Variants in STRN4 observed in about 807,000 individuals in gnomAD.
The protein encoded by STRN4 is striatin-4.
Under a neutral mutation model 77.9 loss-of-function variants are expected in STRN4, and 27 were observed. The ratio of observed to expected loss-of-function variants is 0.35; its 90% CI spans 0.26 to 0.48. STRN4 has a LOEUF of 0.48. STRN4 is among the 20% of genes least tolerant of loss of function. STRN4 has a pLI of 0.99. For missense variants in STRN4, 798 were observed against 1,049.7 expected, an observed-to-expected ratio of 0.76 and a Z score of 3.31; for synonymous variants, 466 against 443.1, an observed-to-expected ratio of 1.05 and a Z score of -0.65.
chr19:46,729,238 C>G (rs553990606), intron 6 of STRN4, among the ~76,000 whole-genome samples: 1 of 152,318 alleles, frequency 6.6e-6, no homozygotes, highest in African/African-American at 2.4e-5. Flanking sequence ...GACTACCCCT[C>G]GCAGACACGA....
Position 46,733,569 on chromosome 19 carries a change from T to G in STRN4, c.540-333A>C. The stretch of plus-strand genomic sequence containing the variant: ...GGCAGAAGATCAACAGGGCAGAGCC[T>G]TAAGGGAAGCTGGCCACGGTAAACA... On this transcript the variant is annotated intron_variant, in intron 4 of 17. Transcript: ENST00000263280. The surrounding 1 kb of genome is among the most constrained non-coding windows in gnomAD (Gnocchi z 4.3). The G allele has an allele frequency of 3.7e-6, 1 of 269,238 alleles. No individual in the cohort carries two copies. The highest frequency in any genetic ancestry group is 6.2e-5 in the South Asian group (1 of 16,006). 16.7% of individuals were successfully genotyped at this position (269,238 alleles called of 1,614,324 possible).
chr19:46,730,892 C>A lies in STRN4; in HGVS notation c.738-19G>T, dbSNP rs762555328. The A allele has an allele frequency of 1.1e-5, 18 of 1,608,316 alleles. No homozygotes were observed. The highest frequency in any genetic ancestry group is 1.4e-5 in the Non-Finnish European group (17 of 1,179,742). On this transcript the variant is annotated intron_variant, in intron 5 of 17. Transcript: ENST00000263280. ...CGCGTTCCTGCCAAAGACAGCAGAG[C>A]AGAGGAGGCATGAGTCCTGGCAGGT...
rs1168173406 is a variant in STRN4 at position 46,738,964 on chromosome 19, G to A, written c.283-76C>T. 4.7e-6 allele frequency: 6 copies of A among 1,271,312 alleles called. No homozygotes were observed. In the African/African-American group the frequency reaches 7.3e-5, roughly 16 times the overall value. 78.8% of individuals were successfully genotyped at this position (1,271,312 alleles called of 1,614,324 possible). ...GCCGGTGTGTCTATCACTCACCCAG[G>A]TATAGTGCCAGCCCACAGTCACCCC... On this transcript the variant is annotated intron_variant, in intron 1 of 17. Transcript: ENST00000263280. The surrounding 1 kb of genome is among the most constrained non-coding windows in gnomAD (Gnocchi z 4.5).
At chr19:46,737,859 C>T (rs2054399860) in intron 3 of STRN4, among the ~76,000 whole-genome samples, 2 of 152,174 alleles carry the variant, frequency 1.3e-5, no homozygotes, top group African/African-American at 4.8e-5. Flanking sequence ...CTTTCCCGCA[C>T]CGTCCCCAGC....
chr19:46,725,466 C>T lies in STRN4; in HGVS notation c.1424+7G>A, dbSNP rs2054089198. On this transcript the variant is annotated splice_region_variant and intron_variant, in intron 10 of 17. Coordinates refer to ENST00000263280, the MANE Select transcript of STRN4 (RefSeq NM_013403.3). ...CCTGCCCCCGGCTCTGAGCTTGCTG[C>T]CCTCACTTCTTGGCCGTGACCGCCT... 1.9e-6 allele frequency: 3 copies of T among 1,613,838 alleles called. No homozygotes were observed. The highest frequency in any genetic ancestry group is 2.5e-6 in the Non-Finnish European group (3 of 1,179,884).
At chr19:46,727,754 A>C in intron 8 of STRN4, 140 bp downstream of exon 8, 1 of 827,880 alleles carries the variant, frequency 1.2e-6, no homozygotes. Context: ...ACAGACAGAC[A>C]GACGAACTTT....
chr19:46,725,879 C>T (rs963141477), intron 9 of STRN4: 1 of 577,506 alleles, frequency 1.7e-6, no homozygotes. Context: ...CAAAGGTGAG[C>T]CTGACCCCTT....
At position 46,746,038 on chromosome 19, in the gene STRN4, C is replaced by CCCA. The variant is rs1568409985; in HGVS notation, c.282+110_282+111insTGG. ...CCGTCGCGGTCCCCTCCCGCCCCCCCGCCGGCCGTCCCGGCGGCCATTGCT... is the reference window on the plus strand; with the variant it reads ...CCGTCGCGGTCCCCTCCCGCCCCCCCCCAGCCGGCCGTCCCGGCGGCCATTGCT... On this transcript the variant is annotated intron_variant, in intron 1 of 17. Transcript: ENST00000263280. 1.3e-4 allele frequency: 154 copies of CCCA among 1,198,422 alleles called. 2 individuals are homozygous for CCCA. The African/African-American group carries it at 2.4e-3, about 19-fold the overall frequency. 74.2% of individuals were successfully genotyped at this position (1,198,422 alleles called of 1,614,324 possible). A position where few individuals can be genotyped will look rare whatever the true frequency, so the allele number is the denominator to read the frequency against.
At chr19:46,742,163 G>A (rs112060504) in intron 1 of STRN4, among the ~76,000 whole-genome samples, 87 of 152,194 alleles carry the variant, frequency 5.7e-4, no homozygotes, top group African/African-American at 2.0e-3. Context: ...TGGAAGTTTC[G>A]GATGGGCAGA....
Position 46,738,253 on chromosome 19 carries a change from A to G in STRN4, c.387-16T>C. 6.2e-7 allele frequency: 1 copy of G among 1,611,324 alleles called. No homozygotes were observed. The highest frequency in any genetic ancestry group is 1.1e-5 in the South Asian group (1 of 91,034). On this transcript the variant is annotated splice_polypyrimidine_tract_variant and intron_variant, in intron 2 of 17. Transcript: ENST00000263280. The surrounding 1 kb of genome is among the most constrained non-coding windows in gnomAD (Gnocchi z 4.5). ...ATATTTGGCCCTAAAAGAGCAAATG[A>G]TTAATGAATAAGAGATGCGGGAGAG...
chr19:46,729,888 G>A (rs1012792877), intron 6 of STRN4, among the ~76,000 whole-genome samples: 16 of 152,194 alleles, frequency 1.1e-4, no homozygotes, highest in African/African-American at 1.4e-4. Context: ...GTGTGGGCCA[G>A]AACTCACGCA....
chr19:46,724,680 G>C, intron 12 of STRN4, 127 bp downstream of exon 12: 1 of 1,404,648 alleles, frequency 7.1e-7, no homozygotes, highest in South Asian at 1.3e-5. Flanking sequence ...AGAGCAGACA[G>C]GGGAGCCGTC....
chr19:46,729,088 C>G (rs1475633875), intron 6 of STRN4, among the ~76,000 whole-genome samples: 2 of 152,216 alleles, frequency 1.3e-5, no homozygotes, highest in Non-Finnish European at 2.9e-5. Flanking sequence ...GCAGGGAGGG[C>G]AGATATGCAC....
chr19:46,742,721 C>T (rs1051779132), intron 1 of STRN4, among the ~76,000 whole-genome samples: 2 of 152,168 alleles, frequency 1.3e-5, no homozygotes, highest in Non-Finnish European at 2.9e-5. Context: ...CACCACCACG[C>T]CCGACTAATT....
chr19:46,746,070 T>TGGC (rs995093352), intron 1 of STRN4, 79 bp downstream of exon 1: 127 of 1,216,552 alleles, frequency 1.0e-4, no homozygotes, highest in Non-Finnish European at 1.3e-4. Flanking sequence ...TGCTCCAAGA[T>TGGC]GGCGGCGGCG....
At chr19:46,728,336 CCTT>C (rs1412998700) in intron 7 of STRN4, 2 of 586,666 alleles carry the variant, frequency 3.4e-6, no homozygotes, top group Non-Finnish European at 6.1e-6. Flanking sequence ...CCTGTTCCCT[CCTT>C]GAGGCCAGCC....
At chr19:46,722,465 C>T in intron 14 of STRN4, 125 bp from the exon 15 acceptor site, 3 of 1,026,802 alleles carry the variant, frequency 2.9e-6, no homozygotes, top group Admixed American at 2.0e-5. Flanking sequence ...GGGGGCTGGG[C>T]GAGGGCACTC....
intron 1 of STRN4, 106 bp downstream of exon 1, chr19:46,746,043 G>A: frequency 8.6e-7 from 1 of 1,161,900 alleles, no homozygotes; most frequent in Non-Finnish European, 1.1e-6. Flanking sequence ...CCCCCCGCCG[G>A]CCGTCCCGGC....
At chr19:46,734,766 G>A (rs2054324899) in intron 4 of STRN4, among the ~76,000 whole-genome samples, 1 of 152,068 alleles carries the variant, frequency 6.6e-6, no homozygotes, top group African/African-American at 2.4e-5. Flanking sequence ...CCGGGTTCAC[G>A]CCATTCTCCT....
Sources: gnomAD v4.1 joint callset for allele counts (sites outside exome capture counted in the v4.1 genomes callset) on GRCh38, gnomAD v4.1.1 for gene constraint, Gnocchi (gnomAD v3.1) non-coding constraint, MANE v1.5 for transcripts, NCBI Gene and HGNC (gene_info 2026-07-23, HGNC 2026-07-21) for gene names.